PIP5K1A: variants seen among roughly 807,000 people sequenced by gnomAD.
PIP5K1A encodes phosphatidylinositol-4-phosphate 5-kinase type 1 alpha.
Under a neutral mutation model 72.9 loss-of-function variants are expected in PIP5K1A, and 46 were observed. That is an observed-to-expected ratio of 0.63 (90% CI 0.50 to 0.81). The LOEUF is 0.81. Among genes scored for constraint, PIP5K1A ranks in the 30% least tolerant of loss-of-function variants. The pLI, the probability that PIP5K1A is intolerant of heterozygous loss-of-function variation, is 0.00. For missense variants in PIP5K1A, 458 were observed against 706.1 expected (o/e 0.65, Z 3.98); for synonymous variants, 228 against 255.1 (o/e 0.89, Z 1.01).
In PIP5K1A at chr1:151,238,201, C is replaced by G. The variant is rs368478257; in HGVS notation, c.1165C>G (p.Arg389Gly). ...TDDHMGGIPARNSKGERLLLY... is the reference protein window; with the variant it reads ...TDDHMGGIPAGNSKGERLLLY... ...TTCCAGTATGGGTGGCATCCCTGCC[C>G]GGAATAGTAAAGGGGAAAGGCTTCT... Residue 389 changes from arginine (R) to glycine (G), a missense_variant, in exon 10 of 16, where the codon CGG (arginine) becomes GGG (glycine). By Grantham distance (125) the Arg-to-Gly change is moderately radical. This residue lies in a region of PIP5K1A where 220 missense variants were observed against 442.6 expected (regional missense o/e 0.50). Transcript: ENST00000368888. The G allele has an allele frequency of 1.9e-6, 3 of 1,612,074 alleles. No homozygotes were observed. The highest frequency in any genetic ancestry group is 1.6e-4 in the Middle Eastern group (1 of 6,078).
chr1:151,198,988 G>A lies in PIP5K1A; in HGVS notation c.-9G>A, dbSNP rs1409759806. The A allele has an allele frequency of 1.9e-6, 3 of 1,613,342 alleles. No homozygotes were observed. The highest frequency in any genetic ancestry group is 3.3e-5 in the Admixed American group (2 of 60,014). On this transcript the variant is annotated 5_prime_UTR_variant, in exon 1 of 16. Coordinates refer to ENST00000368888, the MANE Select transcript of PIP5K1A (RefSeq NM_001135638.2). Reference sequence around the variant, plus strand: ...GAGCCAGGCCGCTGAGGGGGAGGGGGCTGCTAAGATGGCGTCGGCCTCCTC... The same window carrying A: ...GAGCCAGGCCGCTGAGGGGGAGGGGACTGCTAAGATGGCGTCGGCCTCCTC...
At chr1:151,224,203 G>A in intron 1 of PIP5K1A, 42 bp from the exon 2 acceptor site, 2 of 1,562,752 alleles carry the variant, frequency 1.3e-6, no homozygotes, top group Non-Finnish European at 1.8e-6. Context: ...AGAGATGTGA[G>A]TGTGTGATAC....
chr1:151,206,437 T>C (rs934038894), intron 1 of PIP5K1A, among the ~76,000 whole-genome samples: 2 of 152,094 alleles, frequency 1.3e-5, no homozygotes, highest in African/African-American at 2.4e-5. Flanking sequence ...ATTAGAGATA[T>C]TGGTTGGGGG....
intron 7 of PIP5K1A, 106 bp downstream of exon 7, chr1:151,232,809 G>C: frequency 9.6e-7 from 1 of 1,045,708 alleles, no homozygotes; most frequent in African/African-American, 1.6e-5. Context: ...TATCTTAAGA[G>C]TGTAGTTCAG....
intron 1 of PIP5K1A, among the ~76,000 whole-genome samples, chr1:151,204,900 G>T (rs1157354287): frequency 6.6e-6 from 1 of 152,220 alleles, no homozygotes; most frequent in African/African-American, 2.4e-5. Context: ...GTACTTACAC[G>T]TTAGCGTTGA....
intron 3 of PIP5K1A, among the ~76,000 whole-genome samples, chr1:151,225,556 G>T (rs1180348968): frequency 1.3e-5 from 2 of 149,404 alleles, no homozygotes; most frequent in Admixed American, 1.3e-4. Context: ...TATGTCCTCT[G>T]CCTCCCAGGT....
intron 1 of PIP5K1A, among the ~76,000 whole-genome samples, chr1:151,201,311 C>T (rs2101841129): frequency 6.6e-6 from 1 of 151,944 alleles, no homozygotes; most frequent in Admixed American, 6.5e-5. Flanking sequence ...TCTGTCAGAT[C>T]CTCTCACTAA....
chr1:151,238,111 TC>T (rs1363729500), intron 9 of PIP5K1A, 70 bp from the exon 10 acceptor site: 1 of 903,430 alleles, frequency 1.1e-6, no homozygotes, highest in Non-Finnish European at 1.9e-6. Context: ...TGTGTAGGTT[TC>T]ACTTCCCCAT....
intron 1 of PIP5K1A, among the ~76,000 whole-genome samples, chr1:151,218,566 G>T (rs1687953855): frequency 6.6e-6 from 1 of 152,196 alleles, no homozygotes; most frequent in South Asian, 2.1e-4. Flanking sequence ...GCCGGGCTCA[G>T]TGGCTCACGC....
At position 151,248,038 on chromosome 1, in the gene PIP5K1A, C is replaced by T; in HGVS notation, c.*173C>T. The T allele has an allele frequency of 1.5e-6, 1 of 646,536 alleles. No homozygotes were observed. Among genetic ancestry groups the T allele is most frequent in the South Asian group, 1.8e-5 (1 of 56,686 alleles). The allele number at this position is 646,536 out of a possible 1,614,324, so 40.0% of individuals were successfully genotyped here. On this transcript the variant is annotated 3_prime_UTR_variant, in exon 16 of 16. Coordinates refer to ENST00000368888, the MANE Select transcript of PIP5K1A (RefSeq NM_001135638.2). ...TCTTCCTGAAGAAGAACCTTCTCTC[C>T]TTCCTCTTCCTCATGAATGGGCCTT...
At chr1:151,209,155 G>A (rs1481723344) in intron 1 of PIP5K1A, among the ~76,000 whole-genome samples, 8 of 152,090 alleles carry the variant, frequency 5.3e-5, no homozygotes, top group Non-Finnish European at 8.8e-5. Context: ...ACCTGCAGGC[G>A]TATAGAGTGT....
At chr1:151,246,746 G>C (rs770460471) in intron 14 of PIP5K1A, among the ~76,000 whole-genome samples, 174 bp from the exon 15 acceptor site, 1 of 152,188 alleles carries the variant, frequency 6.6e-6, no homozygotes, top group African/African-American at 2.4e-5. Flanking sequence ...GCTAAATATG[G>C]TTAATTAAAA....
At chr1:151,220,457 T>C in intron 1 of PIP5K1A, among the ~76,000 whole-genome samples, 1 of 151,936 alleles carries the variant, frequency 6.6e-6, no homozygotes, top group Non-Finnish European at 1.5e-5. Context: ...TGAACCTCCA[T>C]ATACTTACCA....
chr1:151,224,007 GA>G, intron 1 of PIP5K1A: 1 of 561,112 alleles, frequency 1.8e-6, no homozygotes, highest in South Asian at 2.5e-5. Context: ...AGAAAATATG[GA>G]TATTTGAATA....
At chr1:151,241,096 G>A (rs898107882) in intron 12 of PIP5K1A, among the ~76,000 whole-genome samples, 1 of 152,146 alleles carries the variant, frequency 6.6e-6, no homozygotes, top group Non-Finnish European at 1.5e-5. Flanking sequence ...ACGGTAGGCA[G>A]AGGTTGCAGT....
intron 1 of PIP5K1A, 103 bp from the exon 2 acceptor site, chr1:151,224,142 T>G: frequency 5.8e-6 from 6 of 1,027,786 alleles, no homozygotes; most frequent in Non-Finnish European, 9.3e-6. Context: ...GGCAGGAGTT[T>G]ATACTTATGT....
rs1692778951 is a variant in PIP5K1A, at chr1:151,248,269, ACTAG to A, written c.*407_*410del. The A allele has an allele frequency of 4.8e-6, 1 of 209,090 alleles. No individual in the cohort carries two copies. Among genetic ancestry groups the A allele is most frequent in the Admixed American group, 5.7e-5 (1 of 17,414 alleles). The allele number at this position is 209,090 out of a possible 1,614,324, so 13.0% of individuals were successfully genotyped here. A position where few individuals can be genotyped will look rare whatever the true frequency, so the allele number is the denominator to read the frequency against. On this transcript the variant is annotated 3_prime_UTR_variant, in exon 16 of 16. Coordinates refer to ENST00000368888, the MANE Select transcript of PIP5K1A (RefSeq NM_001135638.2). ...CGGACTCTTAATTTCCTCAGGACAG[ACTAG>A]CTGGCACATTATCCCTACCTTAGTT...
intron 11 of PIP5K1A, 98 bp downstream of exon 11, chr1:151,239,276 C>CTTTTTT: frequency 6.6e-6 from 4 of 606,470 alleles, no homozygotes; most frequent in East Asian, 3.2e-5. Flanking sequence ...TTTCTTTTTT[C>CTTTTTT]TTTTTTTTTT....
At chr1:151,235,116 C>G (rs1237418668) in intron 8 of PIP5K1A, among the ~76,000 whole-genome samples, 1 of 152,152 alleles carries the variant, frequency 6.6e-6, no homozygotes, top group African/African-American at 2.4e-5. Flanking sequence ...GAGTTTCACT[C>G]TTGTCACCCA....
Sources: gnomAD v4.1 joint callset for allele counts (sites outside exome capture counted in the v4.1 genomes callset) on GRCh38, gnomAD v4.1.1 for gene constraint, gnomAD v4.1.1 regional missense constraint, MANE v1.5 for transcripts, NCBI Gene and HGNC (gene_info 2026-07-23, HGNC 2026-07-21) for gene names.